Variants in DCLK1 observed in about 807,000 individuals in gnomAD.
The protein encoded by DCLK1 is doublecortin like kinase 1.
DCLK1 carries 16 observed loss-of-function variants against 86.2 expected under a neutral mutation model. That is an observed-to-expected ratio of 0.19 (90% CI 0.13 to 0.28). DCLK1 has a LOEUF of 0.28. Among genes scored for constraint, DCLK1 ranks in the 10% least tolerant of loss-of-function variants. The pLI, the probability that DCLK1 is intolerant of heterozygous loss-of-function variation, is 1.00. For synonymous variants in DCLK1, 369 were observed against 370.5 expected (o/e 1.00, Z 0.05); for missense variants, 590 against 940.2 (o/e 0.63, Z 4.87).
chr13:36,045,590 G>A (rs1006878661), intron 3 of DCLK1, among the ~76,000 whole-genome samples: 2 of 151,702 alleles, frequency 1.3e-5, no homozygotes, highest in African/African-American at 4.8e-5. Flanking sequence ...GGTGGCTCAC[G>A]CCTATAATCC....
In DCLK1 at chr13:36,005,507, C is replaced by T. The variant is rs74494217; in HGVS notation, c.724-58050G>A. Among the ~76,000 whole-genome samples the T allele has an allele frequency of 1.9e-3, 295 of 152,146 alleles. 3 individuals are homozygous for T. The highest frequency in any genetic ancestry group is 6.5e-3 in the African/African-American group (271 of 41,518). On this transcript the variant is annotated intron_variant, in intron 3 of 16. Coordinates refer to ENST00000360631, the MANE Select transcript of DCLK1 (RefSeq NM_001330071.2). Reference sequence around the variant, plus strand: ...ACTTCATTTTAAGGTCAAAGAGAAACAATAATAAAATCTAAAAAGATGGGA... The same window carrying T: ...ACTTCATTTTAAGGTCAAAGAGAAATAATAATAAAATCTAAAAAGATGGGA...
At chr13:35,854,468 T>C (rs779520596) in intron 6 of DCLK1, 31 bp downstream of exon 6, 5 of 1,561,598 alleles carry the variant, frequency 3.2e-6, no homozygotes, top group Admixed American at 3.7e-5. Flanking sequence ...CTGAGACAGG[T>C]CTGAAACAAG....
intron 3 of DCLK1, among the ~76,000 whole-genome samples, chr13:35,949,852 A>G (rs1391842377): frequency 1.1e-5 from 1 of 93,452 alleles, no homozygotes; most frequent in Non-Finnish European, 2.3e-5. Context: ...GCAAGCGGGA[A>G]ATGAAACGTG....
At chr13:35,824,413 C>T (rs1270875040) in intron 10 of DCLK1, among the ~76,000 whole-genome samples, 1 of 152,164 alleles carries the variant, frequency 6.6e-6, no homozygotes, top group African/African-American at 2.4e-5. Context: ...CTCCTGGCCT[C>T]AAGTGATCTT....
At chr13:35,934,421 A>G (rs1406367654) in intron 4 of DCLK1, among the ~76,000 whole-genome samples, 1 of 152,256 alleles carries the variant, frequency 6.6e-6, no homozygotes, top group Non-Finnish European at 1.5e-5. Context: ...TTGGACTTAC[A>G]GTTCCACATC....
intron 2 of DCLK1, among the ~76,000 whole-genome samples, chr13:36,113,026 T>C (rs2138192307): frequency 6.6e-6 from 1 of 152,338 alleles, no homozygotes; most frequent in East Asian, 1.9e-4. Context: ...GAATTCTAAA[T>C]ACATATTTCA....
At chr13:36,022,679 G>C (rs529100292) in intron 3 of DCLK1, among the ~76,000 whole-genome samples, 1 of 152,010 alleles carries the variant, frequency 6.6e-6, no homozygotes, top group Non-Finnish European at 1.5e-5. Context: ...CGAAATGCCC[G>C]AATTCCTAAA....
chr13:36,035,884 A>T (rs1335578593), intron 3 of DCLK1, among the ~76,000 whole-genome samples: 1 of 152,214 alleles, frequency 6.6e-6, no homozygotes, highest in Admixed American at 6.5e-5. Flanking sequence ...CAGAGAGATT[A>T]ACCTCTGTTA....
chr13:35,827,289 AACG>A (rs1868553113), intron 10 of DCLK1, among the ~76,000 whole-genome samples: 3 of 152,252 alleles, frequency 2.0e-5, no homozygotes, highest in African/African-American at 7.2e-5. Context: ...CCATTACAAC[AACG>A]ACAATTGTAT....
intron 15 of DCLK1, among the ~76,000 whole-genome samples, chr13:35,797,693 T>C (rs9593436): frequency 0.096 from 14,605 of 151,816 alleles, 2,104 homozygotes; most frequent in African/African-American, 0.32. Flanking sequence ...CCCATGACAA[T>C]GAAAAAGTCT....
intron 6 of DCLK1, chr13:35,846,876 G>A: frequency 1.0e-6 from 1 of 985,266 alleles, no homozygotes; most frequent in Non-Finnish European, 1.2e-6. Context: ...TTCAAAATTT[G>A]TCAACAGTTT....
At chr13:35,798,121 A>C (rs1028187725) in intron 15 of DCLK1, among the ~76,000 whole-genome samples, 3 of 152,146 alleles carry the variant, frequency 2.0e-5, no homozygotes, top group Non-Finnish European at 4.4e-5. Flanking sequence ...GACACGAACA[A>C]AATTAGTTTG....
chr13:36,106,904 C>T (rs562138739), intron 3 of DCLK1, among the ~76,000 whole-genome samples: 2 of 152,064 alleles, frequency 1.3e-5, no homozygotes, highest in South Asian at 2.1e-4. Flanking sequence ...ACCCAAGAGT[C>T]GACCAAATTA....
chr13:36,058,116 G>A (rs999836549), intron 3 of DCLK1, among the ~76,000 whole-genome samples: 2 of 152,180 alleles, frequency 1.3e-5, no homozygotes, highest in African/African-American at 4.8e-5. Flanking sequence ...CTGGTACTGA[G>A]AGACATAATG....
intron 16 of DCLK1, among the ~76,000 whole-genome samples, chr13:35,778,777 G>A (rs531952336): frequency 5.8e-4 from 88 of 152,270 alleles, no homozygotes; most frequent in African/African-American, 2.0e-3. Flanking sequence ...ACTGAGTGCT[G>A]GATCCATCCA....
intron 8 of DCLK1, among the ~76,000 whole-genome samples, chr13:35,829,610 T>C (rs1281756555): frequency 6.6e-6 from 1 of 152,226 alleles, no homozygotes; most frequent in African/African-American, 2.4e-5. Flanking sequence ...AAATTTTTCA[T>C]GTCATTTACT....
chr13:36,055,135 G>T (rs1253159079), intron 3 of DCLK1, among the ~76,000 whole-genome samples: 1 of 152,132 alleles, frequency 6.6e-6, no homozygotes, highest in Non-Finnish European at 1.5e-5. Flanking sequence ...CTTTAAGCAT[G>T]GATGGCCAGA....
intron 3 of DCLK1, among the ~76,000 whole-genome samples, chr13:35,966,047 T>C (rs1878717978): frequency 6.6e-6 from 1 of 152,178 alleles, no homozygotes; most frequent in African/African-American, 2.4e-5. Context: ...AAAAACTTTT[T>C]TGAAAATACA....
chr13:36,010,082 T>A (rs1444857987), intron 3 of DCLK1, among the ~76,000 whole-genome samples: 5 of 42,252 alleles, frequency 1.2e-4, no homozygotes, highest in African/African-American at 4.0e-4. Flanking sequence ...TTTTGTATCC[T>A]GAGACTTTGC....
Sources: allele counts gnomAD v4.1 joint callset (sites outside exome capture counted in the v4.1 genomes callset), GRCh38; gene constraint gnomAD v4.1.1; transcripts MANE v1.5; gene names NCBI Gene and HGNC (gene_info 2026-07-23, HGNC 2026-07-21).